EEF1A2: variants seen among roughly 807,000 people sequenced by gnomAD.
EEF1A2 encodes the protein elongation factor 1-alpha 2.
Under a neutral mutation model 39.3 loss-of-function variants are expected in EEF1A2, and 5 were observed. The ratio of observed to expected loss-of-function variants is 0.13; its 90% CI spans 0.07 to 0.27. The LOEUF (loss-of-function observed/expected upper bound fraction) is 0.27. Ranked by LOEUF, EEF1A2 falls within the 10% of genes least tolerant of loss-of-function variation. The probability of loss-of-function intolerance (pLI) is 1.00; values close to 1 mark genes in which losing one functional copy is unlikely to be tolerated. For missense variants in EEF1A2, 218 were observed against 681.4 expected, an observed-to-expected ratio of 0.32 and a Z score of 7.57; for synonymous variants, 287 against 293.7, an observed-to-expected ratio of 0.98 and a Z score of 0.23.
intron 7 of EEF1A2, 141 bp from the exon 8 acceptor site, chr20:63,488,566 G>A (rs1351475603): frequency 3.4e-6 from 4 of 1,176,314 alleles, no homozygotes; most frequent in East Asian, 5.9e-5. Flanking sequence ...CTGTGAAGAC[G>A]GCCGGCCTCG....
At chr20:63,492,390 G>GGAGATGGATGGATGGATGGA (rs769905403) in intron 5 of EEF1A2, among the ~76,000 whole-genome samples, 85 of 129,718 alleles carry the variant, frequency 6.6e-4, no homozygotes, top group Non-Finnish European at 1.1e-3. Flanking sequence ...GGATGGGTGG[G>GGAGATGGATGGATGGATGGA]TAGATGGATG....
chr20:63,495,625 C>T (rs1295210469), intron 3 of EEF1A2, among the ~76,000 whole-genome samples: 1 of 152,226 alleles, frequency 6.6e-6, no homozygotes, highest in African/African-American at 2.4e-5. Context: ...TATCTGGGGA[C>T]TCTGACACTG....
At chr20:63,488,530 G>T (rs1365098547) in intron 7 of EEF1A2, 105 bp from the exon 8 acceptor site, 5 of 1,289,714 alleles carry the variant, frequency 3.9e-6, no homozygotes, top group Non-Finnish European at 5.0e-6. Flanking sequence ...AATGTCCTCG[G>T]AACACGCTTA....
At chr20:63,491,764 T>TGGTG (rs1421711911) in intron 5 of EEF1A2, among the ~76,000 whole-genome samples, 1 of 86,048 alleles carries the variant, frequency 1.2e-5, no homozygotes, top group Non-Finnish European at 2.4e-5. Flanking sequence ...ATGGATGGAT[T>TGGTG]GGTGGATGGA....
At position 63,494,985 on chromosome 20, in the gene EEF1A2, C is replaced by G; in HGVS notation, c.441G>C (p.Gln147His). Residue 147 changes from glutamine (Q) to histidine (H), a missense_variant, in exon 4 of 8, where the codon CAG becomes CAC. Physicochemically the swap from Gln to His is conservative, Grantham distance 24. Transcript: ENST00000217182. The stretch of plus-strand genomic sequence containing the variant: ...CCATTTTGTTCACGCCCACGATGAG[C>G]TGCTTCACACCCAGCGTGTAGGCCA... The part of the protein sequence containing the change: ...ALLAYTLGVK[Q>H]LIVGVNKMDS... 2 of 1,612,834 alleles carry G rather than the reference C, an allele frequency of 1.2e-6. No individual in the cohort carries two copies. The highest frequency in any genetic ancestry group is 1.7e-6 in the Non-Finnish European group (2 of 1,179,988).
At chr20:63,493,405 T>A in intron 4 of EEF1A2, 118 bp from the exon 5 acceptor site, 1 of 1,247,118 alleles carries the variant, frequency 8.0e-7, no homozygotes, top group East Asian at 2.9e-5. Context: ...CTCGTGCCCT[T>A]TGAGATGAGG....
intron 5 of EEF1A2, 152 bp from the exon 6 acceptor site, chr20:63,490,887 A>T: frequency 1.1e-6 from 1 of 881,144 alleles, no homozygotes; most frequent in Non-Finnish European, 1.7e-6. Flanking sequence ...AGTGCAGGGG[A>T]AGGGAGGCCA....
chr20:63,497,646 C>T lies in EEF1A2; in HGVS notation c.118G>A (p.Glu40Lys). ...KCGGIDKRTI[E>K]KFEKEAAEMG... ...TCAGCCGCCTCCTTCTCGAACTTCT[C>T]AATGGTCCTTTTGTCAATACCTCCG... Residue 40 changes from glutamate (E) to lysine (K), a missense_variant, in exon 2 of 8, where the codon GAG becomes AAG. This residue lies in a region of EEF1A2 where 28 missense variants were observed against 156.2 expected (regional missense o/e 0.18). Coordinates refer to ENST00000217182, the MANE Select transcript of EEF1A2 (RefSeq NM_001958.5). This position sits in a 1 kb window ranked among gnomAD's most constrained non-coding sequence, Gnocchi z 7.3. 6.2e-7 allele frequency: 1 copy of T among 1,613,022 alleles called. No individual in the cohort carries two copies. The highest frequency in any genetic ancestry group is 8.5e-7 in the Non-Finnish European group (1 of 1,179,812).
chr20:63,488,500 G>A (rs1249723976), intron 7 of EEF1A2, 75 bp from the exon 8 acceptor site: 12 of 1,311,662 alleles, frequency 9.1e-6, no homozygotes, highest in Non-Finnish European at 1.1e-5. Flanking sequence ...CTGGCCGGGC[G>A]GGGGCGCAAC....
At chr20:63,492,390 G>GGAGA (rs769905403) in intron 5 of EEF1A2, among the ~76,000 whole-genome samples, 15,273 of 128,698 alleles carry the variant, frequency 0.12, 146 homozygotes, top group East Asian at 0.23. Flanking sequence ...GGATGGGTGG[G>GGAGA]TAGATGGATG....
At chr20:63,489,206 G>T in intron 6 of EEF1A2, 54 bp from the exon 7 acceptor site, 1 of 1,567,334 alleles carries the variant, frequency 6.4e-7, no homozygotes, top group South Asian at 1.1e-5. Context: ...GGCACCGGGA[G>T]GGCGCCAGAG....
chr20:63,488,730 C>T (rs555623322), intron 7 of EEF1A2, among the ~76,000 whole-genome samples, 188 bp downstream of exon 7: 7 of 152,362 alleles, frequency 4.6e-5, no homozygotes, highest in African/African-American at 1.4e-4. Flanking sequence ...CCCACCCCAG[C>T]TCGTCTGGGC....
intron 3 of EEF1A2, 34 bp from the exon 4 acceptor site, chr20:63,495,135 G>T (rs767439830): frequency 6.3e-7 from 1 of 1,594,322 alleles, no homozygotes; most frequent in African/African-American, 1.3e-5. Context: ...GCCCTGCCCC[G>T]CCTGCCTGGC....
intron 2 of EEF1A2, chr20:63,496,954 A>G: frequency 6.6e-6 from 1 of 152,652 alleles, no homozygotes; most frequent in Non-Finnish European, 1.5e-5. Flanking sequence ...CTCATCATCC[A>G]GGTGAGAGCT....
chr20:63,494,723 C>T, intron 4 of EEF1A2, 82 bp downstream of exon 4: 2 of 1,505,552 alleles, frequency 1.3e-6, no homozygotes, highest in Non-Finnish European at 1.8e-6. Flanking sequence ...CTCGACCTCC[C>T]CGTGCCACCT....
In EEF1A2 at chr20:63,493,193, G is replaced by A. The variant is rs993963334; in HGVS notation, c.716C>T (p.Thr239Met). ...LEALDTILPP[T>M]RPTDKPLRLP... ...GCGCAGGGGCTTGTCCGTGGGGCGCGTGGGGGGCAGGATGGTGTCCAGGGC... is the reference window on the plus strand; with the variant it reads ...GCGCAGGGGCTTGTCCGTGGGGCGCATGGGGGGCAGGATGGTGTCCAGGGC... Residue 239 changes from threonine (T) to methionine (M), a missense_variant, in exon 5 of 8, where the codon ACG becomes ATG. Around this residue, in one of 4 missense-constraint regions of EEF1A2, gnomAD observed 80 missense variants for 295.9 expected, o/e 0.27. Coordinates refer to ENST00000217182, the MANE Select transcript of EEF1A2 (RefSeq NM_001958.5). 7.1e-6 allele frequency: 11 copies of A among 1,548,710 alleles called. No homozygotes were observed. The highest frequency in any genetic ancestry group is 2.4e-5 in the East Asian group (1 of 40,940).
intron 3 of EEF1A2, 101 bp downstream of exon 3, chr20:63,495,755 G>C: frequency 6.9e-7 from 1 of 1,455,772 alleles, no homozygotes; most frequent in Non-Finnish European, 9.2e-7. Context: ...CTCACAGGAA[G>C]CACAGGAGAC....
In EEF1A2 at chr20:63,495,073, G is replaced by A. The variant is rs1368676519; in HGVS notation, c.353C>T (p.Ala118Val). The stretch of plus-strand genomic sequence containing the variant: ...GCCCGCCTCGAACTCGCCCACGCCC[G>A]CCGCCACGATCAGCACTGCGCAGTC... ...QADCAVLIVA[A>V]GVGEFEAGIS... is the part of the protein sequence containing the mutation. Residue 118 changes from alanine to valine, a missense_variant, in exon 4 of 8, where the codon GCG becomes GTG. Coordinates refer to ENST00000217182, the MANE Select transcript of EEF1A2 (RefSeq NM_001958.5). 2.5e-6 allele frequency: 4 copies of A among 1,611,480 alleles called. No individual in the cohort carries two copies. Among genetic ancestry groups the A allele is most frequent in the Non-Finnish European group, 3.4e-6 (4 of 1,179,860 alleles).
At chr20:63,490,455 C>G in intron 6 of EEF1A2, 24 bp downstream of exon 6, 1 of 1,599,596 alleles carries the variant, frequency 6.3e-7, no homozygotes, top group Non-Finnish European at 8.5e-7. Flanking sequence ...GCGCCAGCCC[C>G]CTGGACCCAG....
Sources: gnomAD v4.1 joint callset for allele counts (sites outside exome capture counted in the v4.1 genomes callset) on GRCh38, gnomAD v4.1.1 for gene constraint, gnomAD v4.1.1 regional missense constraint, Gnocchi (gnomAD v3.1) non-coding constraint, MANE v1.5 for transcripts, NCBI Gene and HGNC (gene_info 2026-07-23, HGNC 2026-07-21) for gene names.